Variants in DHX57 observed in about 807,000 individuals in gnomAD.
DHX57 encodes putative ATP-dependent RNA helicase DHX57.
DHX57 carries 105 observed loss-of-function variants against 156.2 expected under a neutral mutation model. The ratio of observed to expected loss-of-function variants is 0.67; its 90% confidence interval spans 0.57 to 0.79. DHX57 has a LOEUF of 0.79. Among genes scored for constraint, DHX57 ranks in the 30% least tolerant of loss-of-function variants. DHX57 has a pLI of 0.00. For missense variants in DHX57, 1,847 were observed against 1,661.9 expected (o/e 1.11, Z -1.94); for synonymous variants, 704 against 595.6 (o/e 1.18, Z -2.65).
At position 38,802,749 on chromosome 2, in the gene DHX57, T is replaced by C; in HGVS notation, c.3983A>G (p.Asp1328Gly). The change falls in exon 23 of 24, where the codon GAT becomes GGT. Residue 1328 changes from aspartate (D) to glycine (G), a missense_variant. By Grantham distance (94) the Asp-to-Gly change is moderately conservative. Transcript: ENST00000457308. ...QRGEFVVSLDDGWIRFVAASH... is the reference protein window; with the variant it reads ...QRGEFVVSLDGGWIRFVAASH... ...AGCAGCTACAAAACGGATCCAACCA[T>C]CATCCAGGGAGACAACGAACTCTCC... 1 of 1,614,108 alleles carries C rather than the reference T, an allele frequency of 6.2e-7. No individual in the cohort carries two copies. Among genetic ancestry groups the C allele is most frequent in the South Asian group, 1.1e-5 (1 of 91,076 alleles).
At position 38,861,493 on chromosome 2, in the gene DHX57, T is replaced by G; in HGVS notation, c.917A>C (p.Lys306Thr). ...NVQENSLEICKFYLKGNCKFG... is the reference protein window; with the variant it reads ...NVQENSLEICTFYLKGNCKFG... ...TTTACAATTTCCTTTGAGGTAAAAT[T>G]TACAGATTTCAAGTGAATTCTCTTG... Residue 306 changes from lysine (K) to threonine (T), a missense_variant, in exon 5 of 24, where the codon AAA becomes ACA. Transcript: ENST00000457308. 6.2e-7 allele frequency: 1 copy of G among 1,614,108 alleles called. No homozygotes were observed. Among genetic ancestry groups the G allele is most frequent in the Non-Finnish European group, 8.5e-7 (1 of 1,180,028 alleles).
chr2:38,865,405 G>T (rs1665019236), intron 2 of DHX57, among the ~76,000 whole-genome samples: 1 of 152,182 alleles, frequency 6.6e-6, no homozygotes, highest in Admixed American at 6.5e-5. Context: ...ACCTTGTGAA[G>T]AAGGATGCTT....
chr2:38,813,625 G>C (rs2148544037), intron 21 of DHX57, among the ~76,000 whole-genome samples, 196 bp downstream of exon 21: 1 of 152,268 alleles, frequency 6.6e-6, no homozygotes, highest in African/African-American at 2.4e-5. Context: ...GCCCGCCTCG[G>C]CCTCCCAAAG....
At position 38,848,396 on chromosome 2, in the gene DHX57, G is replaced by T; in HGVS notation, c.2037C>A (p.Phe679Leu). 1 of 1,589,894 alleles carries T rather than the reference G, an allele frequency of 6.3e-7. No homozygotes were observed. The highest frequency in any genetic ancestry group is 1.2e-5 in the South Asian group (1 of 85,648). Residue 679 changes from phenylalanine (F) to leucine (L), a missense_variant, in exon 10 of 24, where the codon TTC becomes TTA. Phe to Leu is a conservative substitution (Grantham distance 22, BLOSUM62 0). Transcript: ENST00000457308. ...CAATGTCCTTCAAAACTAGCAGCAA[G>T]AAGTCACTAGAGAAAATAAAAGAAA... ...EVHERTEESD[F>L]LLLVLKDIVS...
In DHX57 at chr2:38,868,343, T is replaced by C; in HGVS notation, c.63A>G (p.Arg21=). 1 of 1,609,572 alleles carries C rather than the reference T, an allele frequency of 6.2e-7. No homozygotes were observed. The part of the protein sequence containing the change: ...PGKGGGKGSS[R]GGRGGRSHAS... Reference sequence around the variant, plus strand: ...CGTGACTCCTGCCTCCTCTTCCTCCTCTAGAAGACCCTTTTCCACCTCCTT... The same window carrying C: ...CGTGACTCCTGCCTCCTCTTCCTCCCCTAGAAGACCCTTTTCCACCTCCTT... Residue 21 remains arginine (R), a synonymous_variant, in exon 2 of 24, where the codon AGA becomes AGG. Transcript: ENST00000457308.
intron 5 of DHX57, among the ~76,000 whole-genome samples, 184 bp downstream of exon 5, chr2:38,860,815 C>T (rs1558401514): frequency 6.6e-6 from 1 of 152,142 alleles, no homozygotes; most frequent in Non-Finnish European, 1.5e-5. Context: ...CACAATTGAG[C>T]CTTACAATTA....
At chr2:38,851,808 T>C (rs889491758) in intron 9 of DHX57, among the ~76,000 whole-genome samples, 1 of 152,214 alleles carries the variant, frequency 6.6e-6, no homozygotes, top group Non-Finnish European at 1.5e-5. Flanking sequence ...ATCATTTAAA[T>C]ACCATTAATC....
intron 6 of DHX57, chr2:38,857,094 A>G (rs1672940544): frequency 6.5e-6 from 1 of 154,160 alleles, no homozygotes; most frequent in African/African-American, 2.4e-5. Context: ...AATGTTCTAT[A>G]CCTGTGCTGT....
rs80298502 is a variant in DHX57, at chr2:38,810,967, C to T, written c.3681+2854G>A. Reference sequence around the variant, plus strand: ...CTGGTGGGTGGTGCCATCCTTGATGCTGGTCACCTTCACAGGGACCCCTTT... The same window carrying T: ...CTGGTGGGTGGTGCCATCCTTGATGTTGGTCACCTTCACAGGGACCCCTTT... On this transcript the variant is annotated intron_variant, in intron 21 of 23. Transcript: ENST00000457308. The T allele has an allele frequency of 0.011, 9,193 of 831,220 alleles. 744 individuals are homozygous for T. In the East Asian group the frequency reaches 0.19, roughly 17 times the overall value. The allele number at this position is 831,220 out of a possible 1,614,324, so 51.5% of individuals were successfully genotyped here. A position where few individuals can be genotyped will look rare whatever the true frequency, so the allele number is the denominator to read the frequency against.
intron 6 of DHX57, 133 bp from the exon 7 acceptor site, chr2:38,856,594 C>G (rs1384979158): frequency 8.4e-7 from 1 of 1,185,892 alleles, no homozygotes; most frequent in Non-Finnish European, 1.1e-6. Flanking sequence ...ATCTGCACTT[C>G]CCAGGCTCTA....
In DHX57 at chr2:38,861,156, C is replaced by T. The variant is rs755293139; in HGVS notation, c.1254G>A (p.Glu418=). The change falls in exon 5 of 24, where the codon GAG becomes GAA. Residue 418 remains glutamate (E), a synonymous_variant. Transcript: ENST00000457308. The part of the protein sequence containing the change: ...VYSLITLLEE[E]SEIVKLLTNT... Reference sequence around the variant, plus strand: ...TCGTTAGTAACTTGACTATTTCCGACTCTTCCTCTAAAAGGGTTATCAAAG... The same window carrying T: ...TCGTTAGTAACTTGACTATTTCCGATTCTTCCTCTAAAAGGGTTATCAAAG... The T allele has an allele frequency of 3.1e-6, 5 of 1,614,180 alleles. No homozygotes were observed. Among genetic ancestry groups the T allele is most frequent in the Non-Finnish European group, 4.2e-6 (5 of 1,180,022 alleles).
intron 9 of DHX57, among the ~76,000 whole-genome samples, chr2:38,852,267 C>T (rs578260460): frequency 2.0e-4 from 30 of 151,152 alleles, no homozygotes; most frequent in Middle Eastern, 6.9e-3. Context: ...ACCTCCGCCT[C>T]CCAGGTTCAA....
In DHX57 at chr2:38,826,050, A is replaced by G. The variant is rs1265339908; in HGVS notation, c.2814-3T>C. On this transcript the variant is annotated splice_polypyrimidine_tract_variant and splice_region_variant and intron_variant, in intron 15 of 23. Transcript: ENST00000457308. ...CCATCCCTTTGCTGGCATCATATCT[A>G]TAAAGAAAAAGAAAATATAAATTGA... is the stretch of plus-strand genomic sequence containing the variant. 1.2e-6 allele frequency: 2 copies of G among 1,612,158 alleles called. No homozygotes were observed. The highest frequency in any genetic ancestry group is 1.7e-6 in the Non-Finnish European group (2 of 1,178,888).
chr2:38,855,221 T>A lies in DHX57; in HGVS notation c.1741A>T (p.Ile581Phe), dbSNP rs1672834210. 1 of 1,614,078 alleles carries A rather than the reference T, an allele frequency of 6.2e-7. No homozygotes were observed. Among genetic ancestry groups the A allele is most frequent in the South Asian group, 1.1e-5 (1 of 91,090 alleles). The change falls in exon 8 of 24, where the codon ATT (isoleucine) becomes TTT (phenylalanine). Residue 581 changes from isoleucine (I) to phenylalanine (F), a missense_variant. By Grantham distance (21) the Ile-to-Phe change is conservative. Transcript: ENST00000457308. ...CGKTTQIPQF[I>F]LDDSLNGPPE... Reference sequence around the variant, plus strand: ...GGTCCATTCAGAGAATCATCCAGAATAAACTGCGGAATTTGTGTGGTTTTC... The same window carrying A: ...GGTCCATTCAGAGAATCATCCAGAAAAAACTGCGGAATTTGTGTGGTTTTC...
At chr2:38,868,119 T>C (rs1665170851) in intron 2 of DHX57, 63 bp downstream of exon 2, 3 of 1,576,202 alleles carry the variant, frequency 1.9e-6, no homozygotes, top group Admixed American at 1.7e-5. Flanking sequence ...CAGCCATCTG[T>C]TGTCCCATAC....
intron 21 of DHX57, among the ~76,000 whole-genome samples, chr2:38,807,740 TG>T (rs1291990037): frequency 6.7e-6 from 1 of 149,828 alleles, no homozygotes; most frequent in Non-Finnish European, 1.5e-5. Flanking sequence ...CTCCGCCTCC[TG>T]GGTTCAAGTG....
chr2:38,838,259 T>C (rs1004929852), intron 12 of DHX57, among the ~76,000 whole-genome samples: 1 of 152,012 alleles, frequency 6.6e-6, no homozygotes, highest in Non-Finnish European at 1.5e-5. Context: ...CCACCATACC[T>C]GGTTAATTTA....
In DHX57 at chr2:38,862,170, G is replaced by C; in HGVS notation, c.547C>G (p.Pro183Ala). 6.2e-7 allele frequency: 1 copy of C among 1,607,532 alleles called. No individual in the cohort carries two copies. Among genetic ancestry groups the C allele is most frequent in the Non-Finnish European group, 8.5e-7 (1 of 1,176,400 alleles). The change falls in exon 4 of 24, where the codon CCA (proline) becomes GCA (alanine). Residue 183 changes from proline (P) to alanine (A), a missense_variant. Coordinates refer to ENST00000457308, the MANE Select transcript of DHX57 (RefSeq NM_198963.3). The stretch of plus-strand genomic sequence containing the variant: ...CTGGAAAGTTTTTGCACTGCAAATG[G>C]GGAGACTGTAAATTCTGGAACATAA... ...EPYVPEFTVS[P>A]FAVQKLSRYG...
intron 11 of DHX57, among the ~76,000 whole-genome samples, chr2:38,845,785 G>C (rs1672246722): frequency 6.6e-6 from 1 of 151,250 alleles, no homozygotes; most frequent in Non-Finnish European, 1.5e-5. Context: ...ACTTACAATT[G>C]TTTATACAGA....
Sources: gnomAD v4.1 joint callset for allele counts (sites outside exome capture counted in the v4.1 genomes callset) on GRCh38, gnomAD v4.1.1 for gene constraint, MANE v1.5 for transcripts, NCBI Gene and HGNC (gene_info 2026-07-23, HGNC 2026-07-21) for gene names.